PCDHGA2: variants seen among roughly 807,000 people sequenced by gnomAD.
PCDHGA2 encodes the protein protocadherin gamma subfamily A, 2.
Under a neutral mutation model 59.2 loss-of-function variants are expected in PCDHGA2, and 40 were observed. The ratio of observed to expected loss-of-function variants is 0.68; its 90% CI spans 0.52 to 0.88. The LOEUF (loss-of-function observed/expected upper bound fraction) is 0.88. Ranked by LOEUF, PCDHGA2 falls within the 40% of genes least tolerant of loss-of-function variation. The pLI is 0.00. For synonymous variants in PCDHGA2, 560 were observed against 526.0 expected (o/e 1.06, Z -0.89); for missense variants, 1,226 against 1,204.0 (o/e 1.02, Z -0.27).
intron 1 of PCDHGA2, chr5:141,430,850 A>T (rs1204872595): frequency 6.3e-7 from 1 of 1,582,670 alleles, no homozygotes; most frequent in South Asian, 1.2e-5. Context: ...ATGCACCCAG[A>T]TACGCTATTC....
At position 141,340,873 on chromosome 5, in the gene PCDHGA2, C is replaced by G; in HGVS notation, c.1902C>G (p.Asp634Glu). The G allele has an allele frequency of 6.2e-7, 1 of 1,613,670 alleles. No individual in the cohort carries two copies. The highest frequency in any genetic ancestry group is 8.5e-7 in the Non-Finnish European group (1 of 1,179,916). ...TGCGCACGGCGCGAGCCCTGCTGGA[C>G]AGAGACGCGCTCAAGCAGAGCCTCG... ...GEVRTARALL[D>E]RDALKQSLVV... is the part of the protein sequence containing the mutation. Residue 634 changes from aspartate to glutamate, a missense_variant, in exon 1 of 4, where the codon GAC (aspartate) becomes GAG (glutamate). Coordinates refer to ENST00000394576, the MANE Select transcript of PCDHGA2 (RefSeq NM_018915.4).
At chr5:141,409,972 G>A in intron 1 of PCDHGA2, 1 of 1,613,374 alleles carries the variant, frequency 6.2e-7, no homozygotes, top group South Asian at 1.1e-5. Context: ...TAGTGACTAA[G>A]GTGGTAGCGG....
Position 141,489,802 on chromosome 5 carries a change from G to A in PCDHGA2, c.2425-5005G>A, listed in dbSNP as rs2099692541. On this transcript the variant is annotated intron_variant, in intron 1 of 3. Transcript: ENST00000394576. The surrounding 1 kb of genome is among the most constrained non-coding windows in gnomAD (Gnocchi z 4.5). ...TCTGAATGTGAAGACCCTAAAAGAT[G>A]GGAAGCCATTCCCAGAGCTGGTGCT... is the stretch of plus-strand genomic sequence containing the variant. 6.2e-7 allele frequency: 1 copy of A among 1,614,042 alleles called. No homozygotes were observed. The highest frequency in any genetic ancestry group is 1.1e-5 in the South Asian group (1 of 91,088).
At position 141,382,739 on chromosome 5, in the gene PCDHGA2, G is replaced by A. The variant is rs1005950630; in HGVS notation, c.2424+41344G>A. 8.7e-6 allele frequency: 5 copies of A among 573,776 alleles called. No homozygotes were observed. The African/African-American group carries it at 9.3e-5, about 11-fold the overall frequency. The allele number at this position is 573,776 out of a possible 1,614,324, so 35.5% of individuals were successfully genotyped here. On this transcript the variant is annotated intron_variant, in intron 1 of 3. Coordinates refer to ENST00000394576, the MANE Select transcript of PCDHGA2 (RefSeq NM_018915.4). ...ACCGAGTTTTACAGCACAGAGAAACGACAGATTGCGATAAGCCCTCTTCCA... is the reference window on the plus strand; with the variant it reads ...ACCGAGTTTTACAGCACAGAGAAACAACAGATTGCGATAAGCCCTCTTCCA...
rs980944782 is a variant in PCDHGA2 at position 141,487,625 on chromosome 5, T to C, written c.2425-7182T>C. On this transcript the variant is annotated intron_variant, in intron 1 of 3. Coordinates refer to ENST00000394576, the MANE Select transcript of PCDHGA2 (RefSeq NM_018915.4). This position sits in a 1 kb window ranked among gnomAD's most constrained non-coding sequence, Gnocchi z 5.0. ...TCTCTATGGGCTAGAGGTGAGACCT[T>C]TGCAGGCTCAACAAATGCTTGAGGG... 4 of 1,614,090 alleles carry C rather than the reference T, an allele frequency of 2.5e-6. No homozygotes were observed. Among genetic ancestry groups the C allele is most frequent in the Admixed American group, 3.3e-5 (2 of 60,004 alleles).
rs777247531 is a variant in PCDHGA2 at position 141,476,417 on chromosome 5, C to T, written c.2425-18390C>T. 3 of 1,614,112 alleles carry T rather than the reference C, an allele frequency of 1.9e-6. No homozygotes were observed. Among genetic ancestry groups the T allele is most frequent in the Admixed American group, 1.7e-5 (1 of 60,018 alleles). The stretch of plus-strand genomic sequence containing the variant: ...GGATCGAGAGGAGCTGTGTGGGACA[C>T]TGCCCTCTTGCACTGTAACTCTGGA... On this transcript the variant is annotated intron_variant, in intron 1 of 3. Coordinates refer to ENST00000394576, the MANE Select transcript of PCDHGA2 (RefSeq NM_018915.4). The surrounding 1 kb of genome is among the most constrained non-coding windows in gnomAD (Gnocchi z 7.6).
At chr5:141,364,499 C>T (rs1763362832) in intron 1 of PCDHGA2, 1 of 1,614,006 alleles carries the variant, frequency 6.2e-7, no homozygotes, top group Non-Finnish European at 8.5e-7. Context: ...GCTGGAGCCC[C>T]AGGAGCTGGC....
At chr5:141,396,797 T>C (rs1043872860) in intron 1 of PCDHGA2, among the ~76,000 whole-genome samples, 1 of 152,182 alleles carries the variant, frequency 6.6e-6, no homozygotes, top group Non-Finnish European at 1.5e-5. Context: ...TTCCTAAGGA[T>C]TGTGTAGTGT....
rs767577725 is a variant in PCDHGA2 at position 141,485,642 on chromosome 5, G to T, written c.2425-9165G>T. 4.3e-6 allele frequency: 7 copies of T among 1,612,162 alleles called. No homozygotes were observed. The highest frequency in any genetic ancestry group is 1.7e-5 in the Admixed American group (1 of 59,938). ...AGGACAGCGTTTCCCGTTGGAAAAGGCTCAGGATGCAGATGTGGGGAGCAA... is the reference window on the plus strand; with the variant it reads ...AGGACAGCGTTTCCCGTTGGAAAAGTCTCAGGATGCAGATGTGGGGAGCAA... On this transcript the variant is annotated intron_variant, in intron 1 of 3. Coordinates refer to ENST00000394576, the MANE Select transcript of PCDHGA2 (RefSeq NM_018915.4). This position sits in a 1 kb window ranked among gnomAD's most constrained non-coding sequence, Gnocchi z 5.7.
chr5:141,374,078 C>A, intron 1 of PCDHGA2: 1 of 1,516,122 alleles, frequency 6.6e-7, no homozygotes, highest in Non-Finnish European at 8.8e-7. Flanking sequence ...TCCTAATAAG[C>A]CAGTAATGGC....
At chr5:141,385,430 A>G (rs1781192913) in intron 1 of PCDHGA2, 1 of 1,458,668 alleles carries the variant, frequency 6.9e-7, no homozygotes. Context: ...AAAACTTTAT[A>G]GAGGTAAAAA....
chr5:141,489,999 G>C lies in PCDHGA2; in HGVS notation c.2425-4808G>C, dbSNP rs772783990. Reference sequence around the variant, plus strand: ...CAGTTCTACGTGTGGGAATCCCAGAGAATGCACCCATTGGTACTCTGCTGC... The same window carrying C: ...CAGTTCTACGTGTGGGAATCCCAGACAATGCACCCATTGGTACTCTGCTGC... On this transcript the variant is annotated intron_variant, in intron 1 of 3. Coordinates refer to ENST00000394576, the MANE Select transcript of PCDHGA2 (RefSeq NM_018915.4). This position sits in a 1 kb window ranked among gnomAD's most constrained non-coding sequence, Gnocchi z 4.5. 6.2e-7 allele frequency: 1 copy of C among 1,614,242 alleles called. No individual in the cohort carries two copies. Among genetic ancestry groups the C allele is most frequent in the East Asian group, 2.2e-5 (1 of 44,886 alleles).
At chr5:141,356,734 G>A (rs781480636) in intron 1 of PCDHGA2, 1 of 1,613,990 alleles carries the variant, frequency 6.2e-7, no homozygotes. Flanking sequence ...CTCCAATACA[G>A]GGATCCTATA....
intron 1 of PCDHGA2, chr5:141,421,647 G>A: frequency 6.2e-7 from 1 of 1,613,872 alleles, no homozygotes; most frequent in Non-Finnish European, 8.5e-7. Context: ...ACGAAGTGGA[G>A]ATAAAAGTCA....
intron 1 of PCDHGA2, chr5:141,350,184 TCACAGAAGTC>T: frequency 7.4e-7 from 1 of 1,346,586 alleles, no homozygotes; most frequent in Non-Finnish European, 9.9e-7. Flanking sequence ...TAAGCTCAAA[TCACAGAAGTC>T]CAGGGTGCTG....
In PCDHGA2 at chr5:141,485,251, C is replaced by T. The variant is rs748522322; in HGVS notation, c.2425-9556C>T. 7 of 1,614,092 alleles carry T rather than the reference C, an allele frequency of 4.3e-6. No individual in the cohort carries two copies. In the South Asian group the frequency reaches 6.6e-5, roughly 15 times the overall value. On this transcript the variant is annotated intron_variant, in intron 1 of 3. Transcript: ENST00000394576. This position sits in a 1 kb window ranked among gnomAD's most constrained non-coding sequence, Gnocchi z 5.7. The stretch of plus-strand genomic sequence containing the variant: ...TGTTCCTCTTTTACCACCTGGGTTA[C>T]GTTTGTGGGCAGATCCGCTACCCGG...
Position 141,360,879 on chromosome 5 carries a change from G to T in PCDHGA2, c.2424+19484G>T, listed in dbSNP as rs1761784772. On this transcript the variant is annotated intron_variant, in intron 1 of 3. Coordinates refer to ENST00000394576, the MANE Select transcript of PCDHGA2 (RefSeq NM_018915.4). ...CAGTGTTCAGCCAGGACGTGTACAGGGTCACCCTGAGGGAGGACGTGCCGC... is the reference window on the plus strand; with the variant it reads ...CAGTGTTCAGCCAGGACGTGTACAGTGTCACCCTGAGGGAGGACGTGCCGC... 5.0e-6 allele frequency: 8 copies of T among 1,614,000 alleles called. No individual in the cohort carries two copies. The East Asian group carries it at 1.3e-4, about 27-fold the overall frequency.
chr5:141,344,707 A>G (rs1283845121), intron 1 of PCDHGA2: 1 of 1,613,856 alleles, frequency 6.2e-7, no homozygotes, highest in Admixed American at 1.7e-5. Context: ...CACTCTGGCA[A>G]CTTGCACATC....
chr5:141,384,791 C>A (rs773450358), intron 1 of PCDHGA2: 22 of 1,613,424 alleles, frequency 1.4e-5, no homozygotes, highest in Non-Finnish European at 1.9e-5. Flanking sequence ...ACGGCTCGGG[C>A]CCTGCTGGAC....
Sources: allele counts gnomAD v4.1 joint callset (sites outside exome capture counted in the v4.1 genomes callset), GRCh38; gene constraint gnomAD v4.1.1; non-coding constraint Gnocchi (gnomAD v3.1); transcripts MANE v1.5; gene names NCBI Gene and HGNC (gene_info 2026-07-23, HGNC 2026-07-21).